The following CSRNP3 variants were observed in gnomAD, a reference collection of about 807,000 sequenced individuals.
CSRNP3 encodes cysteine and serine rich nuclear protein 3.
A neutral mutation model predicts 48.0 loss-of-function variants in CSRNP3; 12 were observed. The observed-to-expected ratio is 0.25, with a 90% confidence interval of 0.16 to 0.41. CSRNP3 has a LOEUF of 0.41. CSRNP3 is among the 10% of genes least tolerant of loss of function. The probability of loss-of-function intolerance (pLI) is 1.00; values close to 1 mark genes in which losing one functional copy is unlikely to be tolerated. For missense variants in CSRNP3, 580 were observed against 724.4 expected, an observed-to-expected ratio of 0.80 and a Z score of 2.29; for synonymous variants, 263 against 269.7, an observed-to-expected ratio of 0.98 and a Z score of 0.24.
intron 4 of CSRNP3, among the ~76,000 whole-genome samples, chr2:165,615,812 G>T (rs952513544): frequency 6.6e-6 from 1 of 150,768 alleles, no homozygotes; most frequent in Non-Finnish European, 1.5e-5. Flanking sequence ...ACAGCTCACT[G>T]CAGCATCGAC....
intron 3 of CSRNP3, among the ~76,000 whole-genome samples, chr2:165,581,662 G>A (rs1306153203): frequency 6.6e-6 from 1 of 151,726 alleles, no homozygotes; most frequent in African/African-American, 2.4e-5. Flanking sequence ...TCAGCCTCCC[G>A]AGTAGCTGGG....
chr2:165,557,812 C>G (rs1166524240), intron 3 of CSRNP3, among the ~76,000 whole-genome samples: 1 of 152,230 alleles, frequency 6.6e-6, no homozygotes, highest in Admixed American at 6.5e-5. Flanking sequence ...CTAGAAACCT[C>G]TGCCCTTAGG....
intron 3 of CSRNP3, among the ~76,000 whole-genome samples, chr2:165,548,359 A>G (rs773673479): frequency 1.3e-5 from 2 of 152,108 alleles, no homozygotes; most frequent in Non-Finnish European, 2.9e-5. Context: ...TTGTAAAATA[A>G]GATTAGTAAC....
chr2:165,476,080 A>G (rs1683959021), intron 1 of CSRNP3, among the ~76,000 whole-genome samples: 1 of 152,194 alleles, frequency 6.6e-6, no homozygotes, highest in Non-Finnish European at 1.5e-5. Flanking sequence ...TATTTAACCA[A>G]TCTGAGTGCT....
intron 3 of CSRNP3, among the ~76,000 whole-genome samples, chr2:165,583,713 C>G (rs1685583280): frequency 6.6e-6 from 1 of 152,102 alleles, no homozygotes; most frequent in Non-Finnish European, 1.5e-5. Flanking sequence ...TTGCACTTCC[C>G]CGGTCTTCAT....
At chr2:165,657,197 A>T (rs1037336971) in intron 4 of CSRNP3, among the ~76,000 whole-genome samples, 1 of 152,160 alleles carries the variant, frequency 6.6e-6, no homozygotes, top group Non-Finnish European at 1.5e-5. Context: ...ATCAACTGCC[A>T]TGGGTATCCC....
intron 4 of CSRNP3, among the ~76,000 whole-genome samples, chr2:165,615,887 G>GTTTT (rs1558951399): frequency 7.9e-5 from 10 of 126,666 alleles, no homozygotes; most frequent in East Asian, 2.7e-4. Flanking sequence ...ATGTTTGTGG[G>GTTTT]GTTTTTTTTT....
At position 165,678,007 on chromosome 2, in the gene CSRNP3, C is replaced by T. The variant is rs142030392; in HGVS notation, c.706-694C>T. On this transcript the variant is annotated intron_variant, in intron 6 of 6. Coordinates refer to ENST00000651982, the MANE Select transcript of CSRNP3 (RefSeq NM_001172173.2). The stretch of plus-strand genomic sequence containing the variant: ...GGGAAGGGGGGACTCAGGACCTAAA[C>T]ACATGAGTCCCCCAGTCATAGTCAT... Among the ~76,000 whole-genome samples the T allele has an allele frequency of 1.5e-3, 227 of 152,210 alleles. 1 individual carries two copies. In the Middle Eastern group the frequency reaches 0.037, roughly 25 times the overall value.
chr2:165,615,268 G>A (rs1000578302), intron 4 of CSRNP3, among the ~76,000 whole-genome samples: 1 of 152,120 alleles, frequency 6.6e-6, no homozygotes, highest in Non-Finnish European at 1.5e-5. Context: ...CCTTTGCCGG[G>A]TGTGGTGGCT....
At chr2:165,486,086 G>T (rs898077526) in intron 1 of CSRNP3, among the ~76,000 whole-genome samples, 2 of 152,138 alleles carry the variant, frequency 1.3e-5, no homozygotes, top group East Asian at 1.9e-4. Context: ...CAGTGGGTGC[G>T]CGCACCGTGC....
intron 3 of CSRNP3, among the ~76,000 whole-genome samples, chr2:165,575,133 T>C (rs1009570559): frequency 1.3e-5 from 2 of 152,216 alleles, no homozygotes; most frequent in Non-Finnish European, 2.9e-5. Flanking sequence ...GGGATCCTTA[T>C]AAATGTCACA....
intron 3 of CSRNP3, among the ~76,000 whole-genome samples, chr2:165,573,346 G>T (rs1487267447): frequency 1.3e-5 from 2 of 152,108 alleles, no homozygotes; most frequent in Non-Finnish European, 2.9e-5. Context: ...GAAAGATTAT[G>T]TGTCTTTATG....
At chr2:165,504,459 C>A (rs147178167) in intron 2 of CSRNP3, among the ~76,000 whole-genome samples, 3 of 151,898 alleles carry the variant, frequency 2.0e-5, no homozygotes, top group Admixed American at 6.6e-5. Context: ...AACTTAAAAC[C>A]GGCTCAAACT....
At chr2:165,526,780 G>A (rs898563420) in intron 3 of CSRNP3, among the ~76,000 whole-genome samples, 2 of 152,150 alleles carry the variant, frequency 1.3e-5, no homozygotes, top group Non-Finnish European at 2.9e-5. Flanking sequence ...ATTCAACACT[G>A]ATGAGGATGT....
At chr2:165,555,252 T>G (rs1685147173) in intron 3 of CSRNP3, among the ~76,000 whole-genome samples, 1 of 152,334 alleles carries the variant, frequency 6.6e-6, no homozygotes, top group Non-Finnish European at 1.5e-5. Flanking sequence ...CTTTGTCCCC[T>G]TTTTCTCCCA....
intron 3 of CSRNP3, among the ~76,000 whole-genome samples, chr2:165,572,783 T>C (rs538978429): frequency 6.6e-6 from 1 of 152,308 alleles, no homozygotes; most frequent in South Asian, 2.1e-4. Flanking sequence ...GTTGATATCA[T>C]TATATTAAAC....
rs568022911 is a variant in CSRNP3 at position 165,672,303 on chromosome 2, C to T, written c.409-4009C>T. ...TCTCATGCTGTTGGCAAAGACATACCTGAGACTGGGTAATTTATAAAGAAA... is the reference window on the plus strand; with the variant it reads ...TCTCATGCTGTTGGCAAAGACATACTTGAGACTGGGTAATTTATAAAGAAA... On this transcript the variant is annotated intron_variant, in intron 5 of 6. Coordinates refer to ENST00000651982, the MANE Select transcript of CSRNP3 (RefSeq NM_001172173.2). Among the ~76,000 whole-genome samples the T allele has an allele frequency of 8.5e-5, 13 of 152,260 alleles. 1 individual carries two copies. In the South Asian group the frequency reaches 2.7e-3, roughly 32 times the overall value.
At chr2:165,572,573 C>T (rs1439090522) in intron 3 of CSRNP3, 1 of 152,144 alleles carries the variant, frequency 6.6e-6, no homozygotes, top group Non-Finnish European at 1.5e-5. Flanking sequence ...ACTAAGACTA[C>T]AGTTATTTGA....
rs200408228 is a variant in CSRNP3, at chr2:165,477,483, A to AATATATATATATATATAT, written c.-283+7758_-283+7759insTATATATATATATATATA. Among the ~76,000 whole-genome samples the AATATATATATATATATAT allele has an allele frequency of 8.0e-4, 104 of 129,610 alleles. 1 individual carries two copies. Among genetic ancestry groups the AATATATATATATATATAT allele is most frequent in the African/African-American group, 2.6e-3 (92 of 35,330 alleles). 85.0% of individuals were successfully genotyped at this position (129,610 alleles called of 152,430 possible). ...AAAATACAAATATATATATATATGA[A>AATATATATATATATATAT]ATATATATATATATAATACAAATAT... On this transcript the variant is annotated intron_variant, in intron 1 of 6. Transcript: ENST00000651982.
Sources: gnomAD v4.1 joint callset for allele counts (sites outside exome capture counted in the v4.1 genomes callset) on GRCh38, gnomAD v4.1.1 for gene constraint, MANE v1.5 for transcripts, NCBI Gene and HGNC (gene_info 2026-07-23, HGNC 2026-07-21) for gene names.